Variants in DCLK1 observed in about 807,000 individuals in gnomAD.
DCLK1 encodes the protein serine/threonine-protein kinase DCLK1.
A neutral mutation model predicts 86.2 loss-of-function variants in DCLK1; 16 were observed. The ratio of observed to expected loss-of-function variants is 0.19; its 90% CI spans 0.13 to 0.28. The LOEUF (loss-of-function observed/expected upper bound fraction) is 0.28, where lower values mean the gene tolerates loss of function less well. Ranked by LOEUF, DCLK1 falls within the 10% of genes least tolerant of loss-of-function variation. The probability of loss-of-function intolerance (pLI) is 1.00; values close to 1 mark genes in which losing one functional copy is unlikely to be tolerated. For missense variants in DCLK1, 590 were observed against 940.2 expected (o/e 0.63, Z 4.87); for synonymous variants, 369 against 370.5 (o/e 1.00, Z 0.05).
chr13:36,115,328 T>TAAAA (rs10627322), intron 2 of DCLK1, among the ~76,000 whole-genome samples: 38 of 151,752 alleles, frequency 2.5e-4, no homozygotes, highest in Admixed American at 1.3e-3. Flanking sequence ...GAATTTATCT[T>TAAAA]AAACAAACAA....
intron 4 of DCLK1, among the ~76,000 whole-genome samples, chr13:35,874,946 G>A (rs1214524283): frequency 6.6e-6 from 1 of 152,238 alleles, no homozygotes; most frequent in Non-Finnish European, 1.5e-5. Flanking sequence ...CCATTGGCAT[G>A]CTTCCTCGTA....
intron 3 of DCLK1, among the ~76,000 whole-genome samples, chr13:36,062,120 T>TG (rs1388227672): frequency 3.9e-5 from 6 of 151,966 alleles, no homozygotes; most frequent in African/African-American, 7.3e-5. Context: ...TAAATGTGGG[T>TG]GTTCCCATTT....
chr13:35,958,283 T>C (rs1878242736), intron 3 of DCLK1, among the ~76,000 whole-genome samples: 220 of 3,794 alleles, frequency 0.058, no homozygotes, highest in Admixed American at 0.092. Flanking sequence ...CCACCATCAC[T>C]GCCACTATAA....
intron 3 of DCLK1, among the ~76,000 whole-genome samples, chr13:36,066,735 C>A (rs1017010673): frequency 6.6e-6 from 1 of 151,942 alleles, no homozygotes; most frequent in Non-Finnish European, 1.5e-5. Flanking sequence ...ACCCCATCAA[C>A]AAGTGGGCGA....
intron 3 of DCLK1, among the ~76,000 whole-genome samples, chr13:36,028,664 A>G (rs962314587): frequency 1.3e-5 from 2 of 152,194 alleles, no homozygotes; most frequent in Non-Finnish European, 2.9e-5. Flanking sequence ...CTGCATTCCC[A>G]GTCACAGAAT....
chr13:36,075,437 G>A (rs181980691), intron 3 of DCLK1, among the ~76,000 whole-genome samples: 3 of 152,208 alleles, frequency 2.0e-5, no homozygotes, highest in African/African-American at 4.8e-5. Context: ...ACTTGTATGC[G>A]ACATCTGAGT....
chr13:35,893,895 G>T (rs904166981), intron 4 of DCLK1, among the ~76,000 whole-genome samples: 1 of 152,146 alleles, frequency 6.6e-6, no homozygotes, highest in African/African-American at 2.4e-5. Context: ...AGTAATGATG[G>T]TGATGCCAAA....
chr13:35,848,266 T>C (rs897301486), intron 6 of DCLK1: 111 of 984,704 alleles, frequency 1.1e-4, no homozygotes, highest in Non-Finnish European at 1.3e-4. Context: ...TGCCTATAAA[T>C]CACCAATTCT....
chr13:36,056,906 A>AAAATATATAT (rs4054844), intron 3 of DCLK1, among the ~76,000 whole-genome samples: 14 of 130,172 alleles, frequency 1.1e-4, no homozygotes, highest in Admixed American at 1.0e-3. Flanking sequence ...AAAAAAAAAA[A>AAAATATATAT]ATATATATAT....
intron 5 of DCLK1, among the ~76,000 whole-genome samples, chr13:35,858,690 A>G (rs967517341): frequency 6.6e-6 from 1 of 152,150 alleles, no homozygotes; most frequent in African/African-American, 2.4e-5. Context: ...CATTAAAAGT[A>G]AAGCAAAAAC....
At chr13:36,040,938 A>G (rs1882681960) in intron 3 of DCLK1, among the ~76,000 whole-genome samples, 1 of 151,750 alleles carries the variant, frequency 6.6e-6, no homozygotes, top group Admixed American at 6.6e-5. Context: ...GGTTTGTTTT[A>G]TTTTGTTTTT....
In DCLK1 at chr13:35,923,654, G is replaced by A. The variant is rs549587822; in HGVS notation, c.823+23704C>T. 2.8e-3 allele frequency among the ~76,000 whole-genome samples: 420 copies of A among 152,152 alleles called. 3 individuals carry two copies. Among genetic ancestry groups the A allele is most frequent in the African/African-American group, 9.5e-3 (395 of 41,512 alleles). On this transcript the variant is annotated intron_variant, in intron 4 of 16. Transcript: ENST00000360631. Reference sequence around the variant, plus strand: ...CTGTGAGCAGAAAGTATGGCCCTGAGTTGTATTTCAGAATACCACTCAGGG... The same window carrying A: ...CTGTGAGCAGAAAGTATGGCCCTGAATTGTATTTCAGAATACCACTCAGGG...
chr13:35,873,646 A>C (rs1872428372), intron 4 of DCLK1, among the ~76,000 whole-genome samples: 1 of 152,148 alleles, frequency 6.6e-6, no homozygotes, highest in African/African-American at 2.4e-5. Flanking sequence ...TCAGCCTCCC[A>C]AAGTGCTGGG....
chr13:35,844,329 T>C (rs1400399307), intron 6 of DCLK1, among the ~76,000 whole-genome samples: 1 of 152,268 alleles, frequency 6.6e-6, no homozygotes, highest in Non-Finnish European at 1.5e-5. Flanking sequence ...AGTGGTGTTA[T>C]GGCTATGTTA....
chr13:35,875,152 T>G (rs541737739), intron 4 of DCLK1, among the ~76,000 whole-genome samples: 19 of 152,354 alleles, frequency 1.2e-4, no homozygotes, highest in African/African-American at 4.3e-4. Context: ...TGCAACACAT[T>G]GTTGTTAAGT....
At chr13:35,882,572 G>T (rs554289276) in intron 4 of DCLK1, among the ~76,000 whole-genome samples, 1 of 152,146 alleles carries the variant, frequency 6.6e-6, no homozygotes, top group Admixed American at 6.5e-5. Context: ...AGCCTGTAAG[G>T]CCCCTCCCTA....
At chr13:35,911,308 G>T (rs943435758) in intron 4 of DCLK1, among the ~76,000 whole-genome samples, 1 of 145,102 alleles carries the variant, frequency 6.9e-6, no homozygotes, top group South Asian at 2.2e-4. Context: ...AAAAAAAAAA[G>T]AACTGTTAAA....
chr13:35,822,338 TG>T (rs199615780), intron 11 of DCLK1, among the ~76,000 whole-genome samples: 9 of 152,210 alleles, frequency 5.9e-5, no homozygotes, highest in South Asian at 2.1e-4. Flanking sequence ...AAATTTTTTT[TG>T]TGTAGAGATG....
chr13:35,782,134 A>G (rs2086537465), intron 16 of DCLK1, among the ~76,000 whole-genome samples: 1 of 151,922 alleles, frequency 6.6e-6, no homozygotes, highest in African/African-American at 2.4e-5. Flanking sequence ...ATTATTCCCC[A>G]TTTTCCTGGG....
Sources: allele counts gnomAD v4.1 joint callset (sites outside exome capture counted in the v4.1 genomes callset), GRCh38; gene constraint gnomAD v4.1.1; transcripts MANE v1.5; gene names NCBI Gene and HGNC (gene_info 2026-07-23, HGNC 2026-07-21).